The following PDLIM5 variants were observed in gnomAD, a reference collection of about 807,000 sequenced individuals.
The protein encoded by PDLIM5 is PDZ and LIM domain 5.
Under a neutral mutation model 64.2 loss-of-function variants are expected in PDLIM5, and 34 were observed. That is an observed-to-expected ratio of 0.53 (90% CI 0.40 to 0.71). The LOEUF is 0.71. Ranked by LOEUF, PDLIM5 falls within the 30% of genes least tolerant of loss-of-function variation. The pLI, the probability that PDLIM5 is intolerant of heterozygous loss-of-function variation, is 0.00. For synonymous variants in PDLIM5, 253 were observed against 269.1 expected, an observed-to-expected ratio of 0.94 and a Z score of 0.59; for missense variants, 683 against 733.6, an observed-to-expected ratio of 0.93 and a Z score of 0.80.
intron 2 of PDLIM5, 80 bp downstream of exon 2, chr4:94,455,464 A>G (rs760721921): frequency 5.7e-6 from 5 of 880,182 alleles, no homozygotes; most frequent in East Asian, 5.1e-5. Flanking sequence ...TTCTCTGTTG[A>G]CCTGTACTCT....
chr4:94,494,432 G>GGTTTTTTTTTTCTTTTTTTTTTTTTTTT (rs1553940971), intron 2 of PDLIM5, among the ~76,000 whole-genome samples: 1 of 70,770 alleles, frequency 1.4e-5, no homozygotes, highest in Non-Finnish European at 2.8e-5. Context: ...TTTTTTTCTT[G>GGTTTTTTTTTTCTTTTTTTTTTTTTTTT]TTTTTTTTTT....
intron 2 of PDLIM5, among the ~76,000 whole-genome samples, chr4:94,459,233 T>G (rs1723654694): frequency 6.6e-6 from 1 of 152,224 alleles, no homozygotes; most frequent in Non-Finnish European, 1.5e-5. Flanking sequence ...GTGTGTTACT[T>G]TCTCATTATG....
intron 3 of PDLIM5, among the ~76,000 whole-genome samples, chr4:94,546,679 A>G (rs1160637738): frequency 6.6e-6 from 1 of 152,126 alleles, no homozygotes; most frequent in Non-Finnish European, 1.5e-5. Context: ...TACCTCTTCT[A>G]TAGCTTGAAG....
In PDLIM5 at chr4:94,667,877, A is replaced by G. The variant is rs1040766097; in HGVS notation, c.*3810A>G. On this transcript the variant is annotated 3_prime_UTR_variant, in exon 13 of 13. Transcript: ENST00000317968. ...ACCCCCGTTCCAGTGTGAATCTAGT[A>G]TTCTGTTAACATTTGTGTGGCATTT... The G allele has an allele frequency of 1.3e-4, 20 of 152,264 alleles. No individual in the cohort carries two copies. The highest frequency in any genetic ancestry group is 1.1e-3 in the Admixed American group (17 of 15,286). The allele number at this position is 152,264 out of a possible 1,614,324, so 9.4% of individuals were successfully genotyped here. A position where few individuals can be genotyped will look rare whatever the true frequency, so the allele number is the denominator to read the frequency against.
At position 94,563,643 on chromosome 4, in the gene PDLIM5, G is replaced by A. The variant is rs1734030547; in HGVS notation, c.249-9708G>A. On this transcript the variant is annotated intron_variant, in intron 3 of 12. Transcript: ENST00000317968. ...GTTTGCAATTTAACACGTTTAGCCTGGACAGGAATAGAAAAAGAGATGTGC... is the reference window on the plus strand; with the variant it reads ...GTTTGCAATTTAACACGTTTAGCCTAGACAGGAATAGAAAAAGAGATGTGC... 2.0e-5 allele frequency among the ~76,000 whole-genome samples: 3 copies of A among 152,246 alleles called. No individual in the cohort carries two copies. The South Asian group carries it at 6.2e-4, about 32-fold the overall frequency.
chr4:94,591,810 A>G (rs1291047885), intron 7 of PDLIM5, among the ~76,000 whole-genome samples: 1 of 152,236 alleles, frequency 6.6e-6, no homozygotes, highest in Admixed American at 6.5e-5. Context: ...ATTTCTTAAT[A>G]AGCATCCTGC....
At chr4:94,613,960 C>CT (rs759120575) in intron 7 of PDLIM5, among the ~76,000 whole-genome samples, 8,451 of 124,304 alleles carry the variant, frequency 0.068, 862 homozygotes, top group African/African-American at 0.21. Context: ...ACTTTTAATC[C>CT]TTTTTTTTTT....
chr4:94,531,558 A>G (rs1380403487), intron 3 of PDLIM5, among the ~76,000 whole-genome samples: 1 of 152,142 alleles, frequency 6.6e-6, no homozygotes, highest in Non-Finnish European at 1.5e-5. Context: ...ATGTTTTAAG[A>G]AAGTTTACAA....
intron 3 of PDLIM5, among the ~76,000 whole-genome samples, chr4:94,530,510 A>AATATATATATATATATATATATAT (rs36209951): frequency 1.1e-4 from 16 of 140,586 alleles, no homozygotes; most frequent in Non-Finnish European, 1.5e-4. Flanking sequence ...GGAATCACAG[A>AATATATATATATATATATATATAT]ATATATATAT....
intron 3 of PDLIM5, among the ~76,000 whole-genome samples, chr4:94,567,662 A>G (rs1323199858): frequency 6.6e-6 from 1 of 152,208 alleles, no homozygotes; most frequent in Non-Finnish European, 1.5e-5. Flanking sequence ...TTGTTCTTTT[A>G]GGATTTTTTA....
intron 2 of PDLIM5, among the ~76,000 whole-genome samples, chr4:94,509,869 GTC>G: frequency 6.6e-6 from 1 of 152,252 alleles, no homozygotes; most frequent in Non-Finnish European, 1.5e-5. Flanking sequence ...TTAAGGCTGG[GTC>G]TGCCTTTCCC....
chr4:94,657,533 C>T lies in PDLIM5; in HGVS notation c.1571C>T (p.Pro524Leu), dbSNP rs2110496151. 3 of 1,610,452 alleles carry T rather than the reference C, an allele frequency of 1.9e-6. No individual in the cohort carries two copies. In the East Asian group the frequency reaches 6.7e-5, roughly 36 times the overall value. ...GTTTTTCACTTGGAGGATGGTGAAC[C>T]CTACTGTGAGACTGGTAAGATCAGG... Reference protein sequence around the residue: ...NNVFHLEDGEPYCETDYYALF... With the variant: ...NNVFHLEDGELYCETDYYALF... The change falls in exon 11 of 13, where the codon CCC becomes CTC. Residue 524 changes from proline to leucine, a missense_variant. Transcript: ENST00000317968.
At chr4:94,476,265 T>C (rs1023221715) in intron 2 of PDLIM5, among the ~76,000 whole-genome samples, 5 of 152,138 alleles carry the variant, frequency 3.3e-5, no homozygotes, top group Admixed American at 6.6e-5. Context: ...TGTGACTTTG[T>C]TTTTAGTTAA....
At chr4:94,505,424 G>C (rs1728305187) in intron 2 of PDLIM5, among the ~76,000 whole-genome samples, 1 of 152,126 alleles carries the variant, frequency 6.6e-6, no homozygotes, top group Admixed American at 6.5e-5. Flanking sequence ...ATGATGCCCA[G>C]CTAATTTTTG....
chr4:94,494,432 G>GTTTTTTTTTTTTTTT (rs61675663), intron 2 of PDLIM5, among the ~76,000 whole-genome samples: 76 of 70,766 alleles, frequency 1.1e-3, no homozygotes, highest in Non-Finnish European at 1.7e-3. Context: ...TTTTTTTCTT[G>GTTTTTTTTTTTTTTT]TTTTTTTTTT....
At chr4:94,518,181 T>C (rs1269212016) in intron 2 of PDLIM5, among the ~76,000 whole-genome samples, 1 of 152,160 alleles carries the variant, frequency 6.6e-6, no homozygotes, top group African/African-American at 2.4e-5. Flanking sequence ...AGAGAAATCT[T>C]AGATGGTTAG....
chr4:94,482,581 G>A (rs1286858805), intron 2 of PDLIM5, among the ~76,000 whole-genome samples: 1 of 152,078 alleles, frequency 6.6e-6, no homozygotes, highest in Non-Finnish European at 1.5e-5. Context: ...CCTGGTAATT[G>A]TGGTATGGAT....
intron 2 of PDLIM5, chr4:94,456,488 G>A (rs191019931): frequency 4.6e-5 from 32 of 702,748 alleles, no homozygotes; most frequent in South Asian, 4.3e-4. Flanking sequence ...GTGAGCCACC[G>A]TGCCTGGCCC....
At chr4:94,465,256 T>C (rs1724247570) in intron 2 of PDLIM5, among the ~76,000 whole-genome samples, 1 of 152,244 alleles carries the variant, frequency 6.6e-6, no homozygotes, top group African/African-American at 2.4e-5. Flanking sequence ...CTTTCTTTCC[T>C]GTATTAAATA....
Sources: gnomAD v4.1 joint callset for allele counts (sites outside exome capture counted in the v4.1 genomes callset) on GRCh38, gnomAD v4.1.1 for gene constraint, MANE v1.5 for transcripts, NCBI Gene and HGNC (gene_info 2026-07-23, HGNC 2026-07-21) for gene names.